DENND1A: variants seen among roughly 807,000 people sequenced by gnomAD.
DENND1A encodes DENN domain-containing protein 1A.
Under a neutral mutation model 113.7 loss-of-function variants are expected in DENND1A, and 51 were observed. That is an observed-to-expected ratio of 0.45 (90% CI 0.36 to 0.57). The LOEUF is 0.57. Among genes scored for constraint, DENND1A ranks in the 20% least tolerant of loss-of-function variants. The pLI is 0.00. For synonymous variants in DENND1A, 565 were observed against 570.8 expected, an observed-to-expected ratio of 0.99 and a Z score of 0.14; for missense variants, 1,258 against 1,395.9, an observed-to-expected ratio of 0.90 and a Z score of 1.57.
intron 1 of DENND1A, among the ~76,000 whole-genome samples, chr9:123,906,986 A>G (rs1320166073): frequency 1.3e-5 from 2 of 148,482 alleles, no homozygotes; most frequent in East Asian, 1.9e-4. Flanking sequence ...CGAATCCAGC[A>G]GCACATCAAA....
chr9:123,744,921 G>A (rs761383884), intron 5 of DENND1A, among the ~76,000 whole-genome samples: 7 of 151,860 alleles, frequency 4.6e-5, no homozygotes, highest in South Asian at 2.1e-4. Flanking sequence ...GATTACAGGC[G>A]CACACCACCA....
rs144350435 is a variant in DENND1A, at chr9:123,794,292, C to G, written c.89-1662G>C. On this transcript the variant is annotated intron_variant, in intron 2 of 23. Coordinates refer to ENST00000394215, the MANE Select transcript of DENND1A (RefSeq NM_001352964.2). ...GGGAAAGGGGGTGAACAACGGGGAA[C>G]AAGGGGCCTAAAAAAGAGCAGTGGC... 4.7e-3 allele frequency among the ~76,000 whole-genome samples: 723 copies of G among 152,220 alleles called. 6 individuals are homozygous for G. The highest frequency in any genetic ancestry group is 9.5e-3 in the East Asian group (49 of 5,182).
intron 5 of DENND1A, among the ~76,000 whole-genome samples, chr9:123,728,506 A>AAAAAAAAAAAAAC (rs1564150268): frequency 2.1e-5 from 3 of 145,904 alleles, no homozygotes; most frequent in African/African-American, 8.1e-5. Flanking sequence ...AAAAAAAAAA[A>AAAAAAAAAAAAAC]AAAACAGGCA....
intron 8 of DENND1A, among the ~76,000 whole-genome samples, chr9:123,654,814 C>T (rs2062845351): frequency 6.6e-6 from 1 of 152,290 alleles, no homozygotes; most frequent in Non-Finnish European, 1.5e-5. Flanking sequence ...CCCGCCTGAG[C>T]GGGTGGGAGT....
chr9:123,687,450 G>T (rs892070602), intron 5 of DENND1A, among the ~76,000 whole-genome samples: 5 of 152,270 alleles, frequency 3.3e-5, no homozygotes, highest in Middle Eastern at 3.4e-3. Flanking sequence ...GTTAAATAAA[G>T]GAAGGGAAGC....
chr9:123,533,859 C>T (rs896178731), intron 13 of DENND1A, among the ~76,000 whole-genome samples: 56 of 152,172 alleles, frequency 3.7e-4, no homozygotes, highest in Non-Finnish European at 1.2e-4. Context: ...CTCTCCTCCA[C>T]GGCCACTGTG....
At chr9:123,505,068 T>C (rs1264766161) in intron 13 of DENND1A, among the ~76,000 whole-genome samples, 1 of 152,246 alleles carries the variant, frequency 6.6e-6, no homozygotes, top group African/African-American at 2.4e-5. Flanking sequence ...CACATATTTC[T>C]GCAAGATAAC....
chr9:123,438,864 ATT>A (rs1277278777), intron 19 of DENND1A, among the ~76,000 whole-genome samples: 1 of 152,200 alleles, frequency 6.6e-6, no homozygotes, highest in Non-Finnish European at 1.5e-5. Context: ...GTCTTTCTCC[ATT>A]TCAAATAGGG....
intron 1 of DENND1A, among the ~76,000 whole-genome samples, chr9:123,927,661 A>C (rs995868688): frequency 8.5e-5 from 13 of 152,226 alleles, no homozygotes; most frequent in African/African-American, 2.9e-4. Flanking sequence ...ATTTGAACCT[A>C]GACCTGATTC....
At position 123,782,646 on chromosome 9, in the gene DENND1A, G is replaced by A. The variant is rs181182109; in HGVS notation, c.132+9941C>T. Among the ~76,000 whole-genome samples the A allele has an allele frequency of 2.6e-5, 4 of 152,252 alleles. No homozygotes were observed. The East Asian group carries it at 7.7e-4, about 29-fold the overall frequency. On this transcript the variant is annotated intron_variant, in intron 3 of 23. Transcript: ENST00000394215. ...GGTTTTCTGATAGAAATCTACCTGGGGGATGTAAAAGATTCCTCAAAGGAG... is the reference window on the plus strand; with the variant it reads ...GGTTTTCTGATAGAAATCTACCTGGAGGATGTAAAAGATTCCTCAAAGGAG...
At chr9:123,591,243 A>C (rs1446555216) in intron 11 of DENND1A, among the ~76,000 whole-genome samples, 1 of 152,174 alleles carries the variant, frequency 6.6e-6, no homozygotes, top group African/African-American at 2.4e-5. Context: ...CACTAATTAA[A>C]ACCACACCAG....
chr9:123,404,392 T>C (rs1000421795), intron 20 of DENND1A, among the ~76,000 whole-genome samples: 1 of 152,270 alleles, frequency 6.6e-6, no homozygotes, highest in Non-Finnish European at 1.5e-5. Context: ...CCGAGAGGGA[T>C]GGGTTGAGAG....
Position 123,481,292 on chromosome 9 carries a change from G to A in DENND1A, c.994-23395C>T, listed in dbSNP as rs189758499. ...AAACAGCAGCTATTAGTTGGTGGAG[G>A]TGGCAATGGTGGGGATGGCAACTAC... On this transcript the variant is annotated intron_variant, in intron 13 of 23. Coordinates refer to ENST00000394215, the MANE Select transcript of DENND1A (RefSeq NM_001352964.2). Among the ~76,000 whole-genome samples, 4 of 152,332 alleles carry A rather than the reference G, an allele frequency of 2.6e-5. No individual in the cohort carries two copies. The East Asian group carries it at 7.7e-4, about 29-fold the overall frequency.
chr9:123,541,608 C>G (rs1245949513), intron 13 of DENND1A, among the ~76,000 whole-genome samples: 2 of 152,184 alleles, frequency 1.3e-5, no homozygotes, highest in African/African-American at 4.8e-5. Context: ...GAGTGGAGAC[C>G]TGCCAGGTCA....
chr9:123,414,497 G>C, intron 19 of DENND1A: 1 of 1,541,252 alleles, frequency 6.5e-7, no homozygotes, highest in East Asian at 2.5e-5. Flanking sequence ...CCTGGGAGAC[G>C]CATTGTGTGA....
chr9:123,626,060 G>GTT (rs747259885), intron 10 of DENND1A, among the ~76,000 whole-genome samples: 2 of 146,892 alleles, frequency 1.4e-5, no homozygotes, highest in Non-Finnish European at 1.5e-5. Context: ...GCTGGGTTTT[G>GTT]TTTTTTTTTT....
chr9:123,767,436 G>A (rs1262134075), intron 4 of DENND1A, among the ~76,000 whole-genome samples: 1 of 151,822 alleles, frequency 6.6e-6, no homozygotes, highest in African/African-American at 2.4e-5. Flanking sequence ...ACATGATTAG[G>A]GGAACATAAT....
intron 1 of DENND1A, among the ~76,000 whole-genome samples, chr9:123,890,749 G>A (rs1418320424): frequency 6.6e-6 from 1 of 152,198 alleles, no homozygotes; most frequent in African/African-American, 2.4e-5. Flanking sequence ...CAGTTTGTAA[G>A]AGATAGAGCT....
intron 13 of DENND1A, among the ~76,000 whole-genome samples, chr9:123,525,290 A>G (rs1419394998): frequency 2.6e-5 from 4 of 152,206 alleles, no homozygotes; most frequent in African/African-American, 9.6e-5. Context: ...AGGGCCTGCT[A>G]TTAGGTAGAT....
Sources: allele counts gnomAD v4.1 joint callset (sites outside exome capture counted in the v4.1 genomes callset), GRCh38; gene constraint gnomAD v4.1.1; transcripts MANE v1.5; gene names NCBI Gene and HGNC (gene_info 2026-07-23, HGNC 2026-07-21).